The following SRBD1 variants were observed in gnomAD, a reference collection of about 807,000 sequenced individuals.
SRBD1 encodes the protein S1 RNA-binding domain-containing protein 1.
SRBD1 carries 88 observed loss-of-function variants against 115.3 expected under a neutral mutation model. The observed-to-expected ratio is 0.76, with a 90% confidence interval of 0.64 to 0.91. The LOEUF (loss-of-function observed/expected upper bound fraction) is 0.91, where lower values mean the gene tolerates loss of function less well. Among genes scored for constraint, SRBD1 ranks in the 40% least tolerant of loss-of-function variants. The probability of loss-of-function intolerance (pLI) is 0.00; values close to 1 mark genes in which losing one functional copy is unlikely to be tolerated. For missense variants in SRBD1, 1,385 were observed against 1,177.4 expected, an observed-to-expected ratio of 1.18 and a Z score of -2.58; for synonymous variants, 509 against 407.7, an observed-to-expected ratio of 1.25 and a Z score of -2.99.
chr2:45,549,522 T>G (rs957599494), intron 12 of SRBD1, among the ~76,000 whole-genome samples: 1 of 151,416 alleles, frequency 6.6e-6, no homozygotes, highest in Non-Finnish European at 1.5e-5. Flanking sequence ...ATGTGCCTAA[T>G]GTATGAGAAC....
intron 14 of SRBD1, among the ~76,000 whole-genome samples, chr2:45,498,280 G>A (rs1168444268): frequency 4.6e-5 from 7 of 151,828 alleles, no homozygotes; most frequent in South Asian, 2.1e-4. Context: ...TGTTCTTTAC[G>A]TATTCTAACT....
At chr2:45,431,010 C>T (rs974826331) in intron 16 of SRBD1, among the ~76,000 whole-genome samples, 4 of 152,136 alleles carry the variant, frequency 2.6e-5, no homozygotes, top group African/African-American at 7.2e-5. Context: ...CAAAAGAAGA[C>T]ATTTATGCGG....
intron 14 of SRBD1, among the ~76,000 whole-genome samples, chr2:45,522,684 A>C (rs79568520): frequency 0.05 from 7,551 of 152,224 alleles, 605 homozygotes; most frequent in African/African-American, 0.17. Flanking sequence ...TCTTCAGCCT[A>C]CTCAAATAAA....
At chr2:45,551,590 C>T (rs770469353) in intron 11 of SRBD1, among the ~76,000 whole-genome samples, 2 of 151,980 alleles carry the variant, frequency 1.3e-5, no homozygotes, top group Non-Finnish European at 2.9e-5. Flanking sequence ...AGAGAGTGTA[C>T]GCACATTTGA....
intron 16 of SRBD1, among the ~76,000 whole-genome samples, chr2:45,456,329 T>C (rs1669152028): frequency 2.0e-5 from 3 of 151,946 alleles, no homozygotes; most frequent in Admixed American, 2.0e-4. Context: ...AAATAAGCTC[T>C]GTAAGAATCA....
intron 9 of SRBD1, among the ~76,000 whole-genome samples, chr2:45,572,215 T>G (rs917373558): frequency 2.0e-5 from 3 of 151,780 alleles, no homozygotes; most frequent in African/African-American, 7.3e-5. Context: ...ACCATAAGAG[T>G]GGATGGTATA....
intron 7 of SRBD1, among the ~76,000 whole-genome samples, chr2:45,578,619 G>A (rs1174413358): frequency 6.6e-6 from 1 of 152,022 alleles, no homozygotes; most frequent in Non-Finnish European, 1.5e-5. Flanking sequence ...TGTGGATTTT[G>A]TTATCAGAGA....
intron 17 of SRBD1, 91 bp downstream of exon 17, chr2:45,419,697 T>C (rs1667939233): frequency 3.7e-6 from 4 of 1,095,604 alleles, no homozygotes; most frequent in African/African-American, 1.5e-5. Context: ...TTGACAACTT[T>C]ATACACGTGT....
chr2:45,408,382 C>T (rs543553461), intron 19 of SRBD1, among the ~76,000 whole-genome samples: 1 of 152,194 alleles, frequency 6.6e-6, no homozygotes, highest in South Asian at 2.1e-4. Context: ...GCCAAAAGGC[C>T]GAGAAGCGAT....
At chr2:45,501,590 C>G (rs1377179619) in intron 14 of SRBD1, among the ~76,000 whole-genome samples, 3 of 152,190 alleles carry the variant, frequency 2.0e-5, no homozygotes, top group African/African-American at 4.8e-5. Flanking sequence ...CACTCCCACC[C>G]TAACACCGTG....
At chr2:45,478,538 A>G (rs1669871562) in intron 15 of SRBD1, among the ~76,000 whole-genome samples, 1 of 152,218 alleles carries the variant, frequency 6.6e-6, no homozygotes, top group Non-Finnish European at 1.5e-5. Context: ...AGGCCTTCAC[A>G]TAAACCTTTA....
intron 9 of SRBD1, among the ~76,000 whole-genome samples, chr2:45,571,799 C>T (rs1021570613): frequency 2.0e-5 from 3 of 151,606 alleles, no homozygotes; most frequent in Non-Finnish European, 4.4e-5. Flanking sequence ...AAGAATAAAT[C>T]AACAAGCCTG....
chr2:45,594,902 C>T (rs1673845456), intron 4 of SRBD1, among the ~76,000 whole-genome samples: 1 of 152,160 alleles, frequency 6.6e-6, no homozygotes, highest in Admixed American at 6.5e-5. Flanking sequence ...CTACTTTAAT[C>T]CTTATACAAA....
rs557626378 is a variant in SRBD1, at chr2:45,420,508, C to T, written c.2050-614G>A. 2.8e-4 allele frequency among the ~76,000 whole-genome samples: 43 copies of T among 152,310 alleles called. No individual in the cohort carries two copies. The Middle Eastern group carries it at 0.01, about 36-fold the overall frequency. On this transcript the variant is annotated intron_variant, in intron 16 of 20. Transcript: ENST00000263736. ...TTAAACCATGACACATGCTTTCTTA[C>T]TGCTTACATTTTTTATTTATTTGTT... is the stretch of plus-strand genomic sequence containing the variant.
chr2:45,492,552 C>T (rs1301571078), intron 14 of SRBD1, among the ~76,000 whole-genome samples: 3 of 152,172 alleles, frequency 2.0e-5, no homozygotes, highest in Non-Finnish European at 4.4e-5. Flanking sequence ...CATTCTCCTG[C>T]CTCAGCCTCC....
chr2:45,608,174 C>G (rs568051190), intron 1 of SRBD1, among the ~76,000 whole-genome samples: 1 of 152,196 alleles, frequency 6.6e-6, no homozygotes, highest in African/African-American at 2.4e-5. Flanking sequence ...AACCATTATC[C>G]TTAAAGAAGG....
At chr2:45,546,133 T>C (rs1339633602) in intron 14 of SRBD1, 1 of 981,756 alleles carries the variant, frequency 1.0e-6, no homozygotes, top group Non-Finnish European at 1.2e-6. Context: ...AAAGAGGAAG[T>C]AGGGAAACAA....
Position 45,573,228 on chromosome 2 carries a change from T to G in SRBD1, c.1284A>C (p.Ile428=). ...FLLYQHFSCN[I]RNIHHHQILA... ...TTACCTGATGATGGTGAATGTTTCT[T>G]ATGTTGCAGGAAAAATGCTGGTAGA... is the stretch of plus-strand genomic sequence containing the variant. Residue 428 remains isoleucine (I), a synonymous_variant, in exon 9 of 21, where the codon ATA becomes ATC. Transcript: ENST00000263736. The G allele has an allele frequency of 6.2e-7, 1 of 1,610,026 alleles. No individual in the cohort carries two copies. The highest frequency in any genetic ancestry group is 8.5e-7 in the Non-Finnish European group (1 of 1,178,624).
At chr2:45,575,947 G>GC (rs1017527711) in intron 7 of SRBD1, among the ~76,000 whole-genome samples, 16 of 152,056 alleles carry the variant, frequency 1.1e-4, no homozygotes, top group Non-Finnish European at 1.8e-4. Flanking sequence ...CAAGTGATCT[G>GC]CCCCCCTCAG....
Sources: allele counts gnomAD v4.1 joint callset (sites outside exome capture counted in the v4.1 genomes callset), GRCh38; gene constraint gnomAD v4.1.1; transcripts MANE v1.5; gene names NCBI Gene and HGNC (gene_info 2026-07-23, HGNC 2026-07-21).